Variants in OS9 observed in about 807,000 individuals in gnomAD.
The protein encoded by OS9 is OS9 endoplasmic reticulum lectin.
Under a neutral mutation model 84.7 loss-of-function variants are expected in OS9, and 58 were observed. The observed-to-expected ratio is 0.68, with a 90% CI of 0.55 to 0.85. The LOEUF is 0.85. OS9 is among the 40% of genes least tolerant of loss of function. The pLI is 0.00. For missense variants in OS9, 760 were observed against 850.9 expected (o/e 0.89, Z 1.33); for synonymous variants, 278 against 320.8 (o/e 0.87, Z 1.43).
At chr12:57,694,371 T>TA in intron 1 of OS9, 48 bp downstream of exon 1, 1 of 1,597,262 alleles carries the variant, frequency 6.3e-7, no homozygotes, top group South Asian at 1.1e-5. Context: ...AGGAAGCGGG[T>TA]AAGAGATAGA....
At chr12:57,718,896 T>C in intron 11 of OS9, 97 bp from the exon 12 acceptor site, 5 of 872,172 alleles carry the variant, frequency 5.7e-6, no homozygotes, top group South Asian at 1.6e-5. Flanking sequence ...TAAGCAAAAC[T>C]CCATTTCAAA....
chr12:57,715,719 T>C (rs1378143684), intron 5 of OS9, 41 bp from the exon 6 acceptor site: 6 of 1,416,940 alleles, frequency 4.2e-6, no homozygotes, highest in Non-Finnish European at 5.9e-6. Context: ...AAGCAAATTA[T>C]TGTTGGTGAT....
chr12:57,713,101 TTC>T (rs1160559614), intron 5 of OS9, among the ~76,000 whole-genome samples: 1 of 152,184 alleles, frequency 6.6e-6, no homozygotes, highest in Non-Finnish European at 1.5e-5. Flanking sequence ...CTTTCCCTGG[TTC>T]TCTCTGTTAA....
In OS9 at chr12:57,694,830, C is replaced by T; in HGVS notation, c.243C>T (p.His81=). 6.2e-7 allele frequency: 1 copy of T among 1,613,944 alleles called. No individual in the cohort carries two copies. The highest frequency in any genetic ancestry group is 8.5e-7 in the Non-Finnish European group (1 of 1,179,826). Residue 81 remains histidine (H), a synonymous_variant, in exon 2 of 15, where the codon CAC becomes CAT. Transcript: ENST00000315970. ...GTCGCCTGCCAGCTGGAGCTATTCA[C>T]TTCCAGCGTGAAAGGGAGGAGGAAA... The part of the protein sequence containing the change: ...YECRLPAGAI[H]FQREREEETP...
chr12:57,717,792 CAAAAAAAA>C (rs59663591), intron 9 of OS9, 70 bp from the exon 10 acceptor site: 38,417 of 422,750 alleles, frequency 0.091, 178 homozygotes, highest in Middle Eastern at 0.15. Flanking sequence ...GACTCTGTCT[CAAAAAAAA>C]AAAAAAAAAA....
intron 5 of OS9, among the ~76,000 whole-genome samples, chr12:57,701,138 A>G (rs902424268): frequency 3.9e-5 from 6 of 151,914 alleles, no homozygotes; most frequent in Non-Finnish European, 7.4e-5. Flanking sequence ...TTACTGATAT[A>G]TATATTACAG....
intron 8 of OS9, 37 bp downstream of exon 8, chr12:57,716,549 G>A (rs1179125544): frequency 6.5e-7 from 1 of 1,541,334 alleles, no homozygotes; most frequent in Non-Finnish European, 8.9e-7. Context: ...GGATGGGGAT[G>A]GGGAGGGTCA....
intron 5 of OS9, among the ~76,000 whole-genome samples, chr12:57,715,380 T>C (rs1182778876): frequency 6.6e-6 from 1 of 151,758 alleles, no homozygotes; most frequent in Non-Finnish European, 1.5e-5. Flanking sequence ...ATAATAATAA[T>C]AATAATACAT....
chr12:57,698,484 AT>A (rs1240556786), intron 5 of OS9, among the ~76,000 whole-genome samples: 1 of 152,226 alleles, frequency 6.6e-6, no homozygotes, highest in African/African-American at 2.4e-5. Context: ...GATATGTTAA[AT>A]GAACAGCCAC....
chr12:57,706,351 T>G (rs925760077), intron 5 of OS9, among the ~76,000 whole-genome samples: 1 of 150,826 alleles, frequency 6.6e-6, no homozygotes, highest in African/African-American at 2.5e-5. Context: ...GTCATGAAGT[T>G]TTTTTTTTGT....
At chr12:57,705,947 T>C (rs1954153452) in intron 5 of OS9, among the ~76,000 whole-genome samples, 1 of 152,218 alleles carries the variant, frequency 6.6e-6, no homozygotes, top group Non-Finnish European at 1.5e-5. Flanking sequence ...TTCTTGTGGA[T>C]TTTCTGTATA....
chr12:57,714,377 G>T (rs2640593), intron 5 of OS9, among the ~76,000 whole-genome samples: 1 of 152,050 alleles, frequency 6.6e-6, no homozygotes, highest in South Asian at 2.1e-4. Flanking sequence ...GGCTAATTTT[G>T]TATTTTTAGT....
In OS9 at chr12:57,718,441, C is replaced by T; in HGVS notation, c.1410+20C>T. 6.2e-7 allele frequency: 1 copy of T among 1,606,332 alleles called. No individual in the cohort carries two copies. The highest frequency in any genetic ancestry group is 8.5e-7 in the Non-Finnish European group (1 of 1,175,666). ...CAGGAGGCAAGCCCAGCTCTTCCTC[C>T]TGTTGCTTCCACAGCCGCCTGGTCC... is the stretch of plus-strand genomic sequence containing the variant. On this transcript the variant is annotated intron_variant, in intron 11 of 14. Coordinates refer to ENST00000315970, the MANE Select transcript of OS9 (RefSeq NM_006812.4).
At chr12:57,706,846 G>GAAAAA (rs11423380) in intron 5 of OS9, among the ~76,000 whole-genome samples, 5 of 41,712 alleles carry the variant, frequency 1.2e-4, no homozygotes, top group African/African-American at 3.8e-4. Flanking sequence ...ATGACTCTCT[G>GAAAAA]AAAAAAAAAA....
chr12:57,695,932 A>G, intron 3 of OS9, 30 bp from the exon 4 acceptor site: 1 of 1,582,040 alleles, frequency 6.3e-7, no homozygotes, highest in Non-Finnish European at 8.7e-7. Flanking sequence ...TCTTAAGAGT[A>G]ACAGTGCTTC....
At chr12:57,702,608 C>T (rs1320197133) in intron 5 of OS9, among the ~76,000 whole-genome samples, 1 of 152,116 alleles carries the variant, frequency 6.6e-6, no homozygotes, top group African/African-American at 2.4e-5. Context: ...TAGAATGTGC[C>T]TTATGGTAAT....
rs1953773116 is a variant in OS9, at chr12:57,694,737, C to A, written c.163-13C>A. On this transcript the variant is annotated splice_polypyrimidine_tract_variant and intron_variant, in intron 1 of 14. Transcript: ENST00000315970. The stretch of plus-strand genomic sequence containing the variant: ...TTTGCTTCCTTGCCCCCCGACCCTC[C>A]CTTCTTTCCCAGAGCCAATCTTCGG... 6.2e-7 allele frequency: 1 copy of A among 1,613,076 alleles called. No homozygotes were observed. The highest frequency in any genetic ancestry group is 8.5e-7 in the Non-Finnish European group (1 of 1,179,830).
chr12:57,721,002 C>A lies in OS9; in HGVS notation c.*93C>A. The A allele has an allele frequency of 6.9e-7, 1 of 1,443,626 alleles. No individual in the cohort carries two copies. Among genetic ancestry groups the A allele is most frequent in the Middle Eastern group, 1.7e-4 (1 of 5,734 alleles). 89.4% of individuals were successfully genotyped at this position (1,443,626 alleles called of 1,614,324 possible). A position where few individuals can be genotyped will look rare whatever the true frequency, so the allele number is the denominator to read the frequency against. On this transcript the variant is annotated 3_prime_UTR_variant, in exon 15 of 15. Coordinates refer to ENST00000315970, the MANE Select transcript of OS9 (RefSeq NM_006812.4). ...CTCCCCACCCTGGAACCCCTGAGGGCCAAACAGCAGAGTGGAGCTGAGCTG... is the reference window on the plus strand; with the variant it reads ...CTCCCCACCCTGGAACCCCTGAGGGACAAACAGCAGAGTGGAGCTGAGCTG...
chr12:57,715,759 G>A lies in OS9; in HGVS notation c.580-1G>A, dbSNP rs750445168. On this transcript the variant is annotated splice_acceptor_variant, in intron 5 of 14. Transcript: ENST00000315970. LOFTEE classifies it high-confidence loss of function. The stretch of plus-strand genomic sequence containing the variant: ...TGTATTCATCCTTTCTGTCCTGGCA[G>A]TTCCTCTGTGACGAGGGTGCAGGTA... 1.9e-6 allele frequency: 3 copies of A among 1,597,324 alleles called. No individual in the cohort carries two copies. Among genetic ancestry groups the A allele is most frequent in the South Asian group, 1.1e-5 (1 of 88,850 alleles).
Sources: gnomAD v4.1 joint callset for allele counts (sites outside exome capture counted in the v4.1 genomes callset) on GRCh38, gnomAD v4.1.1 for gene constraint, MANE v1.5 for transcripts, NCBI Gene and HGNC (gene_info 2026-07-23, HGNC 2026-07-21) for gene names.